The following PLCL2 variants were observed in gnomAD, a reference collection of about 807,000 sequenced individuals.
PLCL2 encodes phospholipase C like 2, also known as inactive phospholipase C-like protein 2.
In PLCL2, 4 loss-of-function variants were observed where a neutral mutation model predicts 79.6. The ratio of observed to expected loss-of-function variants is 0.05; its 90% CI spans 0.02 to 0.11. PLCL2 has a LOEUF of 0.11. Ranked by LOEUF, PLCL2 falls within the 10% of genes least tolerant of loss-of-function variation. The pLI is 1.00. For synonymous variants in PLCL2, 484 were observed against 457.7 expected, an observed-to-expected ratio of 1.06 and a Z score of -0.73; for missense variants, 895 against 1,291.0, an observed-to-expected ratio of 0.69 and a Z score of 4.70.
chr3:17,022,526 G>T (rs906305652), intron 3 of PLCL2, among the ~76,000 whole-genome samples: 7 of 152,130 alleles, frequency 4.6e-5, no homozygotes, highest in African/African-American at 1.7e-4. Flanking sequence ...GAAAGAAAAG[G>T]ATTTTATGTA....
intron 4 of PLCL2, among the ~76,000 whole-genome samples, chr3:17,052,367 C>T (rs2064851466): frequency 6.6e-6 from 1 of 151,838 alleles, no homozygotes; most frequent in Non-Finnish European, 1.5e-5. Context: ...TGCTTCCAAA[C>T]CAGTGCCAGA....
chr3:17,014,106 AAGAG>A (rs992969226), intron 2 of PLCL2, among the ~76,000 whole-genome samples: 16 of 152,108 alleles, frequency 1.1e-4, no homozygotes, highest in African/African-American at 3.1e-4. Flanking sequence ...GATTAGAAAA[AAGAG>A]AGAGAGAGGC....
chr3:16,993,379 T>G (rs943773808), intron 1 of PLCL2, among the ~76,000 whole-genome samples: 1 of 152,208 alleles, frequency 6.6e-6, no homozygotes, highest in Non-Finnish European at 1.5e-5. Context: ...TGTTCCCTCC[T>G]GTCAGAACCT....
chr3:16,903,426 A>C (rs1424486884), intron 1 of PLCL2, among the ~76,000 whole-genome samples: 1 of 152,180 alleles, frequency 6.6e-6, no homozygotes, highest in Non-Finnish European at 1.5e-5. Context: ...TTCGACAGGC[A>C]CTGAAACAGG....
At chr3:16,899,835 C>T (rs1193373790) in intron 1 of PLCL2, among the ~76,000 whole-genome samples, 5 of 149,514 alleles carry the variant, frequency 3.3e-5, no homozygotes, top group Admixed American at 1.3e-4. Flanking sequence ...TCCCCCCCGC[C>T]GCCCCCCGTC....
rs372376067 is a variant in PLCL2 at position 17,055,820 on chromosome 3, T to C, written c.3095-12136T>C. The stretch of plus-strand genomic sequence containing the variant: ...TCCCTAAGCCTCTCTCCTCTGTCTC[T>C]CACAGGGAGAGTGTGAGTGACTGCT... On this transcript the variant is annotated intron_variant, in intron 4 of 5. Coordinates refer to ENST00000615277, the MANE Select transcript of PLCL2 (RefSeq NM_001144382.2). Among the ~76,000 whole-genome samples the C allele has an allele frequency of 3.9e-5, 6 of 152,288 alleles. No homozygotes were observed. The South Asian group carries it at 1.2e-3, about 32-fold the overall frequency.
chr3:16,934,037 A>T (rs1331312913), intron 1 of PLCL2, among the ~76,000 whole-genome samples: 1 of 152,226 alleles, frequency 6.6e-6, no homozygotes, highest in Non-Finnish European at 1.5e-5. Context: ...ACTGCACTCC[A>T]GCCTGAACGA....
intron 1 of PLCL2, among the ~76,000 whole-genome samples, chr3:16,897,336 GC>G (rs1234066508): frequency 6.7e-6 from 1 of 150,296 alleles, no homozygotes; most frequent in Non-Finnish European, 1.5e-5. Context: ...GTTATTTGGA[GC>G]CTTAATCCCC....
In PLCL2 at chr3:16,916,316, G is replaced by GGGTTA. The variant is rs201161823; in HGVS notation, c.327+30951_327+30955dup. On this transcript the variant is annotated intron_variant, in intron 1 of 5. Transcript: ENST00000615277. ...TTAAAAAAATATAACATCCTTTGTT[G>GGGTTA]GGTTATAGGTTTCACTGAGGCAGAT... 7.7e-3 allele frequency among the ~76,000 whole-genome samples: 1,169 copies of GGGTTA among 152,246 alleles called. 16 individuals are homozygous for GGGTTA. The highest frequency in any genetic ancestry group is 0.026 in the African/African-American group (1,097 of 41,538).
At chr3:17,022,619 A>C (rs1195171873) in intron 3 of PLCL2, among the ~76,000 whole-genome samples, 1 of 152,218 alleles carries the variant, frequency 6.6e-6, no homozygotes, top group Non-Finnish European at 1.5e-5. Context: ...GCGAGGAAGC[A>C]CTTAGCTTCC....
intron 1 of PLCL2, among the ~76,000 whole-genome samples, chr3:16,992,718 G>A (rs981698467): frequency 4.6e-5 from 7 of 152,362 alleles, no homozygotes; most frequent in African/African-American, 1.7e-4. Context: ...TTCCAGCCAA[G>A]GGCTGGGCAA....
intron 1 of PLCL2, among the ~76,000 whole-genome samples, chr3:16,915,796 TGCTTTGCCTTCCCATCCACCACTAACA>T (rs1696980984): frequency 6.6e-6 from 1 of 152,204 alleles, no homozygotes; most frequent in South Asian, 2.1e-4. Flanking sequence ...ACAATGCTTC[TGCTTTGCCTTCCCATCCACCACTAACA>T]GCTTTGTGAA....
chr3:17,047,856 C>T (rs559116992), intron 4 of PLCL2, among the ~76,000 whole-genome samples: 84 of 152,200 alleles, frequency 5.5e-4, no homozygotes, highest in African/African-American at 1.7e-3. Context: ...TTTCATTAAA[C>T]TCTCACTTCC....
chr3:17,058,485 G>T (rs960236910), intron 4 of PLCL2, among the ~76,000 whole-genome samples: 3 of 152,156 alleles, frequency 2.0e-5, no homozygotes, highest in African/African-American at 7.2e-5. Context: ...GAAGGATGGA[G>T]CTGCTATTTA....
chr3:16,994,795 G>C (rs548259082), intron 1 of PLCL2, among the ~76,000 whole-genome samples: 18 of 152,248 alleles, frequency 1.2e-4, no homozygotes, highest in Admixed American at 9.8e-4. Flanking sequence ...CTTTGTGAAA[G>C]GAACCACTAC....
At chr3:16,972,040 A>C (rs909198869) in intron 1 of PLCL2, among the ~76,000 whole-genome samples, 6 of 152,154 alleles carry the variant, frequency 3.9e-5, no homozygotes, top group African/African-American at 1.2e-4. Flanking sequence ...CAAAATAATA[A>C]GAGCTATCTA....
intron 4 of PLCL2, among the ~76,000 whole-genome samples, chr3:17,053,394 T>C (rs951992677): frequency 1.3e-5 from 2 of 152,076 alleles, no homozygotes; most frequent in African/African-American, 4.8e-5. Flanking sequence ...TCATGAGAAC[T>C]CTGCCCCATG....
chr3:16,953,700 T>C (rs2124961546), intron 1 of PLCL2, among the ~76,000 whole-genome samples: 1 of 152,246 alleles, frequency 6.6e-6, no homozygotes, highest in Middle Eastern at 3.4e-3. Flanking sequence ...GCGTTACCTG[T>C]CTGAGAAAGG....
At chr3:17,020,892 A>G (rs557374007) in intron 3 of PLCL2, among the ~76,000 whole-genome samples, 1 of 152,276 alleles carries the variant, frequency 6.6e-6, no homozygotes, top group East Asian at 1.9e-4. Context: ...ATGGTGTCAT[A>G]TACTTTTTCT....
Sources: allele counts gnomAD v4.1 joint callset (sites outside exome capture counted in the v4.1 genomes callset), GRCh38; gene constraint gnomAD v4.1.1; transcripts MANE v1.5; gene names NCBI Gene and HGNC (gene_info 2026-07-23, HGNC 2026-07-21).